FHIT: variants seen among roughly 807,000 people sequenced by gnomAD.
The protein encoded by FHIT is bis(5'-adenosyl)-triphosphatase.
FHIT carries 19 observed loss-of-function variants against 17.9 expected under a neutral mutation model. That is an observed-to-expected ratio of 1.06 (90% CI 0.74 to 1.56). The LOEUF (loss-of-function observed/expected upper bound fraction) is 1.56. Ranked by LOEUF, FHIT falls within the 40% of genes most tolerant of loss-of-function variation. The pLI is 0.00. For synonymous variants in FHIT, 81 were observed against 69.7 expected (o/e 1.16, Z -0.81); for missense variants, 248 against 189.2 (o/e 1.31, Z -1.82).
At chr3:61,210,666 T>C (rs1360327505) in intron 1 of FHIT, among the ~76,000 whole-genome samples, 3 of 152,136 alleles carry the variant, frequency 2.0e-5, no homozygotes, top group Non-Finnish European at 4.4e-5. Flanking sequence ...AGTGCAGTAT[T>C]ACGGTGGGAG....
chr3:60,964,438 G>A (rs1709613214), intron 3 of FHIT, among the ~76,000 whole-genome samples: 1 of 152,028 alleles, frequency 6.6e-6, no homozygotes. Flanking sequence ...TTACATTTAA[G>A]GTTAATATTA....
intron 3 of FHIT, among the ~76,000 whole-genome samples, chr3:60,824,787 T>C (rs1702056004): frequency 6.6e-6 from 1 of 152,148 alleles, no homozygotes; most frequent in South Asian, 2.1e-4. Flanking sequence ...GCACAAGCTC[T>C]CTATTTGTCT....
intron 5 of FHIT, among the ~76,000 whole-genome samples, chr3:60,210,022 C>A (rs1435342142): frequency 6.6e-6 from 1 of 152,014 alleles, no homozygotes. Flanking sequence ...ATGTAACAAA[C>A]CTGCACGTTC....
intron 5 of FHIT, among the ~76,000 whole-genome samples, chr3:60,020,618 T>C (rs1192540590): frequency 1.3e-5 from 2 of 152,198 alleles, no homozygotes; most frequent in African/African-American, 4.8e-5. Context: ...TGTAGTTTAG[T>C]GATAAGCAAG....
intron 2 of FHIT, among the ~76,000 whole-genome samples, chr3:61,137,811 A>G (rs777863208): frequency 6.6e-6 from 1 of 151,890 alleles, no homozygotes; most frequent in Non-Finnish European, 1.5e-5. Context: ...CAAGGCAGCT[A>G]CTCTCTTAGT....
At chr3:60,426,136 A>G (rs1259283747) in intron 5 of FHIT, among the ~76,000 whole-genome samples, 1 of 152,180 alleles carries the variant, frequency 6.6e-6, no homozygotes, top group Non-Finnish European at 1.5e-5. Context: ...TCTACCACTT[A>G]TAAGCTCATT....
intron 4 of FHIT, among the ~76,000 whole-genome samples, chr3:60,656,571 C>T (rs541560038): frequency 1.6e-4 from 25 of 152,218 alleles, no homozygotes; most frequent in African/African-American, 3.4e-4. Context: ...ACTTGTCAAG[C>T]GCTCAATACG....
intron 5 of FHIT, among the ~76,000 whole-genome samples, chr3:60,017,950 A>G (rs1180792630): frequency 6.6e-6 from 1 of 152,112 alleles, no homozygotes; most frequent in African/African-American, 2.4e-5. Context: ...TTCCATCAAG[A>G]GTTGCAGTCT....
intron 8 of FHIT, among the ~76,000 whole-genome samples, chr3:59,881,233 T>C (rs1287894628): frequency 6.6e-6 from 1 of 152,206 alleles, no homozygotes; most frequent in African/African-American, 2.4e-5. Flanking sequence ...AGATACCTGC[T>C]TCTAGAGAGG....
chr3:60,494,813 T>A lies in FHIT; in HGVS notation c.103+42047A>T, dbSNP rs2362897. On this transcript the variant is annotated intron_variant, in intron 5 of 9. Transcript: ENST00000492590. ...TGTTGCAAATGACATGATCTCATTC[T>A]TTTTTGTGGATAAATAGTACTCCAT... 3.3e-5 allele frequency among the ~76,000 whole-genome samples: 5 copies of A among 152,208 alleles called. No homozygotes were observed. The South Asian group carries it at 8.3e-4, about 25-fold the overall frequency.
intron 1 of FHIT, among the ~76,000 whole-genome samples, chr3:61,207,769 G>T (rs1233580234): frequency 6.6e-6 from 1 of 152,068 alleles, no homozygotes; most frequent in South Asian, 2.1e-4. Flanking sequence ...CAAAAAACCA[G>T]CTCCTGGATT....
intron 1 of FHIT, among the ~76,000 whole-genome samples, chr3:61,238,389 T>C (rs1445248500): frequency 6.6e-6 from 1 of 152,094 alleles, no homozygotes; most frequent in African/African-American, 2.4e-5. Flanking sequence ...GGACCTGACA[T>C]AAATCACTCA....
intron 5 of FHIT, among the ~76,000 whole-genome samples, chr3:60,423,844 T>C (rs1026449323): frequency 2.6e-5 from 4 of 152,134 alleles, no homozygotes; most frequent in African/African-American, 9.7e-5. Flanking sequence ...CAAATATTTG[T>C]TTCAATTTTT....
chr3:60,711,027 G>A (rs754646333), intron 4 of FHIT, among the ~76,000 whole-genome samples: 7 of 152,166 alleles, frequency 4.6e-5, no homozygotes, highest in South Asian at 2.1e-4. Context: ...GCACCCCCCA[G>A]TAGGGGCAGA....
At chr3:60,528,591 C>A (rs746300521) in intron 5 of FHIT, among the ~76,000 whole-genome samples, 1 of 152,088 alleles carries the variant, frequency 6.6e-6, no homozygotes, top group Non-Finnish European at 1.5e-5. Context: ...AATCAGCTAA[C>A]CTACAACTAT....
chr3:60,177,266 T>TAA (rs746547888), intron 5 of FHIT, among the ~76,000 whole-genome samples: 2,080 of 131,862 alleles, frequency 0.016, 39 homozygotes, highest in African/African-American at 0.055. Context: ...AAGCCAAGGT[T>TAA]AAAAAAAAAA....
At chr3:60,043,490 T>A (rs1189492606) in intron 5 of FHIT, among the ~76,000 whole-genome samples, 2 of 152,216 alleles carry the variant, frequency 1.3e-5, no homozygotes, top group African/African-American at 4.8e-5. Context: ...AGAGATTACA[T>A]GTCTTGCTAA....
chr3:61,247,012 C>T (rs2040503142), intron 1 of FHIT, among the ~76,000 whole-genome samples: 2 of 151,886 alleles, frequency 1.3e-5, no homozygotes, highest in African/African-American at 4.8e-5. Context: ...CCCCTCCCTC[C>T]CTCCCTCCTG....
intron 4 of FHIT, among the ~76,000 whole-genome samples, chr3:60,602,756 G>A (rs561720368): frequency 1.3e-5 from 2 of 152,070 alleles, no homozygotes; most frequent in South Asian, 2.1e-4. Context: ...AACTTCCAAG[G>A]TGACAGTATT....
Sources: gnomAD v4.1 joint callset for allele counts (sites outside exome capture counted in the v4.1 genomes callset) on GRCh38, gnomAD v4.1.1 for gene constraint, MANE v1.5 for transcripts, NCBI Gene and HGNC (gene_info 2026-07-23, HGNC 2026-07-21) for gene names.